ZRANB1: variants seen among roughly 807,000 people sequenced by gnomAD.
The protein encoded by ZRANB1 is zinc finger RANBP2-type containing 1.
Under a neutral mutation model 80.5 loss-of-function variants are expected in ZRANB1, and 16 were observed. The observed-to-expected ratio is 0.20, with a 90% confidence interval of 0.13 to 0.30. The LOEUF is 0.30. Ranked by LOEUF, ZRANB1 falls within the 10% of genes least tolerant of loss-of-function variation. The pLI is 1.00. For missense variants in ZRANB1, 576 were observed against 862.6 expected, an observed-to-expected ratio of 0.67 and a Z score of 4.16; for synonymous variants, 291 against 293.1, an observed-to-expected ratio of 0.99 and a Z score of 0.07.
In ZRANB1 at chr10:124,983,712, A is replaced by G. The variant is rs773711397; in HGVS notation, c.1908+24A>G. 1.3e-6 allele frequency: 2 copies of G among 1,534,272 alleles called. No individual in the cohort carries two copies. The highest frequency in any genetic ancestry group is 2.4e-5 in the South Asian group (2 of 84,396). On this transcript the variant is annotated intron_variant, in intron 8 of 8. Coordinates refer to ENST00000359653, the MANE Select transcript of ZRANB1 (RefSeq NM_017580.3). This position sits in a 1 kb window ranked among gnomAD's most constrained non-coding sequence, Gnocchi z 6.2. ...AGGTAAGCAGTTTCTCCTATGAACT[A>G]TTTCTAGTAGTGACCTTGTACCAGA... is the stretch of plus-strand genomic sequence containing the variant.
chr10:124,945,006 G>A (rs578020930), intron 1 of ZRANB1, among the ~76,000 whole-genome samples: 1 of 152,220 alleles, frequency 6.6e-6, no homozygotes, highest in South Asian at 2.1e-4. Context: ...AAATTGAGGG[G>A]CAACATACAG....
At chr10:124,969,770 C>G (rs1327868280) in intron 2 of ZRANB1, among the ~76,000 whole-genome samples, 1 of 151,964 alleles carries the variant, frequency 6.6e-6, no homozygotes, top group Admixed American at 6.6e-5. Flanking sequence ...AACCAAATTC[C>G]CATTAAAGTA....
chr10:124,925,542 G>A, the ZRANB1 span, among the ~76,000 whole-genome samples: 1 of 152,126 alleles, frequency 6.6e-6, no homozygotes, highest in South Asian at 2.1e-4. Flanking sequence ...TCTGTGGGTT[G>A]TGTTTTCACC....
At chr10:124,936,106 A>G in the ZRANB1 span, among the ~76,000 whole-genome samples, 1 of 152,124 alleles carries the variant, frequency 6.6e-6, no homozygotes, top group Non-Finnish European at 1.5e-5. Flanking sequence ...CAGTACCTTC[A>G]TGTGTATGTT....
At chr10:124,965,733 C>G (rs988183629) in intron 1 of ZRANB1, among the ~76,000 whole-genome samples, 13 of 152,108 alleles carry the variant, frequency 8.5e-5, no homozygotes, top group Non-Finnish European at 2.9e-5. Flanking sequence ...GTTTTAAACA[C>G]TTTTTGTGGT....
chr10:124,958,892 C>A (rs1589846481), intron 1 of ZRANB1, among the ~76,000 whole-genome samples: 1 of 152,328 alleles, frequency 6.6e-6, no homozygotes, highest in South Asian at 2.1e-4. Flanking sequence ...CATCTCCAGT[C>A]CCAGTCTGGG....
upstream of ZRANB1, among the ~76,000 whole-genome samples, chr10:124,937,674 C>A (rs1451366769): frequency 6.6e-6 from 1 of 152,202 alleles, no homozygotes; most frequent in Non-Finnish European, 1.5e-5. Context: ...CCCTTTCCCC[C>A]GCCTGCTATT....
At chr10:124,967,635 A>T (rs993679289) in intron 2 of ZRANB1, among the ~76,000 whole-genome samples, 1 of 152,152 alleles carries the variant, frequency 6.6e-6, no homozygotes, top group Non-Finnish European at 1.5e-5. Flanking sequence ...AGGTGCTGGC[A>T]AGAACTTCTG....
At chr10:124,941,012 C>CA (rs987885487), upstream of ZRANB1, among the ~76,000 whole-genome samples, 5 of 151,172 alleles carry the variant, frequency 3.3e-5, no homozygotes, top group East Asian at 1.9e-4. Context: ...ACAACAACAA[C>CA]AAAAAAACAA....
intron 5 of ZRANB1, among the ~76,000 whole-genome samples, chr10:124,975,842 A>C (rs1951872176): frequency 6.6e-6 from 1 of 152,158 alleles, no homozygotes; most frequent in Non-Finnish European, 1.5e-5. Flanking sequence ...TCTCTACTAA[A>C]AATACAAAAA....
chr10:124,987,555 C>G lies in ZRANB1; in HGVS notation c.*2563C>G, dbSNP rs903437675. ...CTCCTTTTCACGCATATTTCATTGC[C>G]TCTTTGATGAGTGGTTACGAAGACG... On this transcript the variant is annotated 3_prime_UTR_variant, in exon 9 of 9. Transcript: ENST00000359653. 6.6e-6 allele frequency: 1 copy of G among 152,070 alleles called. No individual in the cohort carries two copies. The highest frequency in any genetic ancestry group is 2.1e-4 in the South Asian group (1 of 4,830). 9.4% of individuals were successfully genotyped at this position (152,070 alleles called of 1,614,324 possible). A position where few individuals can be genotyped will look rare whatever the true frequency, so the allele number is the denominator to read the frequency against.
the ZRANB1 span, among the ~76,000 whole-genome samples, chr10:124,928,006 C>T: frequency 6.6e-6 from 1 of 152,094 alleles, no homozygotes; most frequent in Non-Finnish European, 1.5e-5. Flanking sequence ...CACTGCACTA[C>T]AGCCTGGGTG....
chr10:124,973,786 G>A, intron 4 of ZRANB1, 70 bp downstream of exon 4: 4 of 1,316,406 alleles, frequency 3.0e-6, no homozygotes, highest in Admixed American at 2.2e-5. Flanking sequence ...GTAAGGCATG[G>A]TGTAGTTTGG....
At chr10:124,957,701 T>A (rs1419177189) in intron 1 of ZRANB1, among the ~76,000 whole-genome samples, 1 of 152,156 alleles carries the variant, frequency 6.6e-6, no homozygotes, top group African/African-American at 2.4e-5. Flanking sequence ...AAGGTTCATC[T>A]GTGTTGTGAT....
intron 1 of ZRANB1, among the ~76,000 whole-genome samples, chr10:124,959,218 C>T (rs1456732108): frequency 1.3e-5 from 2 of 152,048 alleles, no homozygotes; most frequent in Non-Finnish European, 2.9e-5. Flanking sequence ...GACATCTAAG[C>T]TGAAACTTGA....
chr10:124,955,503 C>G (rs1951681686), intron 1 of ZRANB1, among the ~76,000 whole-genome samples: 1 of 152,096 alleles, frequency 6.6e-6, no homozygotes, highest in Admixed American at 6.5e-5. Flanking sequence ...ACTGGCAATG[C>G]TTTGTAGTCC....
At chr10:124,972,993 G>C (rs933110834) in intron 3 of ZRANB1, among the ~76,000 whole-genome samples, 2 of 151,974 alleles carry the variant, frequency 1.3e-5, no homozygotes, top group Non-Finnish European at 2.9e-5. Flanking sequence ...ACTCAGGCTA[G>C]ATCTCAGTGT....
At chr10:124,964,245 A>G (rs905697860) in intron 1 of ZRANB1, among the ~76,000 whole-genome samples, 17 of 152,390 alleles carry the variant, frequency 1.1e-4, no homozygotes, top group Middle Eastern at 3.4e-3. Context: ...TAATGAAAGC[A>G]GAATTGGTGA....
chr10:124,929,932 G>A, the ZRANB1 span, among the ~76,000 whole-genome samples: 3 of 129,194 alleles, frequency 2.3e-5, no homozygotes, highest in Non-Finnish European at 3.1e-5. Context: ...GCAACAGAGC[G>A]AGACTCTGTC....
Sources: gnomAD v4.1 joint callset for allele counts (sites outside exome capture counted in the v4.1 genomes callset) on GRCh38, gnomAD v4.1.1 for gene constraint, Gnocchi (gnomAD v3.1) non-coding constraint, MANE v1.5 for transcripts, NCBI Gene and HGNC (gene_info 2026-07-23, HGNC 2026-07-21) for gene names.